The following TMEM232 variants were observed in gnomAD, a reference collection of about 807,000 sequenced individuals.
The protein encoded by TMEM232 is transmembrane protein 232.
In TMEM232, 80 loss-of-function variants were observed where a neutral mutation model predicts 78.8. The ratio of observed to expected loss-of-function variants is 1.01; its 90% CI spans 0.85 to 1.22. The LOEUF (loss-of-function observed/expected upper bound fraction) is 1.22. TMEM232 is among the 50% of genes most tolerant of loss of function. The pLI is 0.00. For synonymous variants in TMEM232, 297 were observed against 254.3 expected (o/e 1.17, Z -1.60); for missense variants, 881 against 742.2 (o/e 1.19, Z -2.17).
downstream of TMEM232, among the ~76,000 whole-genome samples, chr5:110,418,924 T>C (rs1247008099): frequency 6.6e-6 from 1 of 152,186 alleles, no homozygotes; most frequent in Admixed American, 6.5e-5. Flanking sequence ...AGTTGTTATA[T>C]CTTGCTACAA....
At chr5:110,496,888 A>T (rs961443063) in intron 12 of TMEM232, among the ~76,000 whole-genome samples, 1 of 152,080 alleles carries the variant, frequency 6.6e-6, no homozygotes, top group African/African-American at 2.4e-5. Flanking sequence ...GGAAGAAACA[A>T]AATAAATCCA....
At chr5:110,642,422 C>T in intron 2 of TMEM232, 51 bp from the exon 3 acceptor site, 2 of 1,301,214 alleles carry the variant, frequency 1.5e-6, no homozygotes, top group South Asian at 3.0e-5. Flanking sequence ...CTATCACTTC[C>T]AAATTTCAAT....
chr5:110,534,849 C>G (rs1772078759), intron 11 of TMEM232, among the ~76,000 whole-genome samples: 1 of 152,054 alleles, frequency 6.6e-6, no homozygotes, highest in African/African-American at 2.4e-5. Context: ...TTCCGTTTTT[C>G]AATTCATACA....
intron 12 of TMEM232, among the ~76,000 whole-genome samples, chr5:110,471,709 C>A (rs1762702649): frequency 2.0e-5 from 3 of 151,812 alleles, no homozygotes; most frequent in Admixed American, 6.6e-5. Context: ...GAAATAAAAT[C>A]TTTTCCAGAC....
chr5:110,580,416 C>A (rs1221111882), intron 10 of TMEM232, among the ~76,000 whole-genome samples: 1 of 151,586 alleles, frequency 6.6e-6, no homozygotes, highest in Non-Finnish European at 1.5e-5. Flanking sequence ...ATAGGCTATA[C>A]CAGGTACCCT....
At chr5:110,647,525 T>C (rs990465177) in intron 2 of TMEM232, among the ~76,000 whole-genome samples, 28 of 152,012 alleles carry the variant, frequency 1.8e-4, no homozygotes, top group Non-Finnish European at 7.4e-5. Context: ...ATGAAGTTTT[T>C]TGTCGTGTTT....
chr5:110,569,874 AC>A (rs1224987717), intron 10 of TMEM232, among the ~76,000 whole-genome samples: 1 of 151,934 alleles, frequency 6.6e-6, no homozygotes, highest in African/African-American at 2.4e-5. Flanking sequence ...CTGGCATCAG[AC>A]AGCTGTTGAA....
At position 110,679,161 on chromosome 5, in the gene TMEM232, C is replaced by A. The variant is rs112161402; in HGVS notation, c.-12-11797G>T. Among the ~76,000 whole-genome samples, 1,503 of 152,220 alleles carry A rather than the reference C, an allele frequency of 9.9e-3. 14 individuals are homozygous for A. Among genetic ancestry groups the A allele is most frequent in the African/African-American group, 0.034 (1,407 of 41,528 alleles). ...TTCCCACCAGCATCAAATGAGAGCACCTGTTGTTCCATGTCCTTGCCCGGA... is the reference window on the plus strand; with the variant it reads ...TTCCCACCAGCATCAAATGAGAGCAACTGTTGTTCCATGTCCTTGCCCGGA... On this transcript the variant is annotated intron_variant, in intron 1 of 13. Coordinates refer to ENST00000455884, the MANE Select transcript of TMEM232 (RefSeq NM_001039763.4).
chr5:110,603,090 A>G (rs903812932), intron 10 of TMEM232, among the ~76,000 whole-genome samples: 3 of 152,122 alleles, frequency 2.0e-5, no homozygotes, highest in Admixed American at 6.5e-5. Flanking sequence ...GAGTTGAACA[A>G]TGGGAACCCA....
At chr5:110,631,276 C>T (rs568363087) in intron 5 of TMEM232, among the ~76,000 whole-genome samples, 41 of 152,258 alleles carry the variant, frequency 2.7e-4, no homozygotes, top group Admixed American at 1.0e-3. Context: ...CTTTCCAGAG[C>T]CTGAGAGCTT....
chr5:110,603,855 TAGTG>T (rs1781241694), intron 10 of TMEM232, among the ~76,000 whole-genome samples: 1 of 152,128 alleles, frequency 6.6e-6, no homozygotes, highest in Non-Finnish European at 1.5e-5. Flanking sequence ...AATTTAAAAA[TAGTG>T]AGCAAGTTTT....
At chr5:110,686,377 C>T (rs1322699756) in intron 1 of TMEM232, among the ~76,000 whole-genome samples, 1 of 151,886 alleles carries the variant, frequency 6.6e-6, no homozygotes, top group African/African-American at 2.4e-5. Flanking sequence ...ATAGTTCTAA[C>T]CAAGTGCGCA....
At chr5:110,709,240 G>A (rs913821223) in intron 1 of TMEM232, among the ~76,000 whole-genome samples, 1 of 152,070 alleles carries the variant, frequency 6.6e-6, no homozygotes, top group Non-Finnish European at 1.5e-5. Flanking sequence ...TAAGGCAAAT[G>A]TTATTAGAGC....
chr5:110,593,441 G>T (rs114912390), intron 10 of TMEM232, among the ~76,000 whole-genome samples: 3 of 152,054 alleles, frequency 2.0e-5, no homozygotes, highest in Admixed American at 6.5e-5. Context: ...ACTTCCTGGG[G>T]GAAAATATCA....
At chr5:110,692,884 C>T (rs1794301877) in intron 1 of TMEM232, among the ~76,000 whole-genome samples, 1 of 152,186 alleles carries the variant, frequency 6.6e-6, no homozygotes, top group East Asian at 1.9e-4. Context: ...AGGGGCAGGG[C>T]ACAGACAAAG....
chr5:110,659,664 A>G (rs1248206497), intron 2 of TMEM232, among the ~76,000 whole-genome samples: 3 of 152,192 alleles, frequency 2.0e-5, no homozygotes, highest in African/African-American at 7.2e-5. Flanking sequence ...ACATATTATA[A>G]AATTATCATG....
intron 1 of TMEM232, among the ~76,000 whole-genome samples, chr5:110,694,856 G>T (rs189438358): frequency 2.6e-4 from 39 of 152,242 alleles, no homozygotes; most frequent in Admixed American, 8.5e-4. Context: ...AATAATGGGA[G>T]ACTTTAACAC....
chr5:110,445,477 T>C (rs1316598538), intron 12 of TMEM232, among the ~76,000 whole-genome samples: 3 of 152,172 alleles, frequency 2.0e-5, no homozygotes, highest in East Asian at 1.9e-4. Flanking sequence ...ACAAAGTCAA[T>C]TGGAGTCTAT....
chr5:110,614,123 T>C (rs1782644357), intron 8 of TMEM232, among the ~76,000 whole-genome samples: 1 of 152,108 alleles, frequency 6.6e-6, no homozygotes, highest in South Asian at 2.1e-4. Context: ...CTTTCTATTA[T>C]GAGCAGTCAT....
Sources: gnomAD v4.1 joint callset for allele counts (sites outside exome capture counted in the v4.1 genomes callset) on GRCh38, gnomAD v4.1.1 for gene constraint, MANE v1.5 for transcripts, NCBI Gene and HGNC (gene_info 2026-07-23, HGNC 2026-07-21) for gene names.